TMEM120B: variants seen among roughly 807,000 people sequenced by gnomAD.
The protein encoded by TMEM120B is transmembrane protein 120B.
TMEM120B carries 31 observed loss-of-function variants against 55.5 expected under a neutral mutation model. The ratio of observed to expected loss-of-function variants is 0.56; its 90% confidence interval spans 0.42 to 0.75. The LOEUF (loss-of-function observed/expected upper bound fraction) is 0.75, where lower values mean the gene tolerates loss of function less well. TMEM120B is among the 30% of genes least tolerant of loss of function. TMEM120B has a pLI of 0.00. For missense variants in TMEM120B, 399 were observed against 425.5 expected (o/e 0.94, Z 0.55); for synonymous variants, 203 against 176.3 (o/e 1.15, Z -1.20).
intron 1 of TMEM120B, among the ~76,000 whole-genome samples, chr12:121,741,106 C>G (rs1389474167): frequency 6.6e-6 from 1 of 151,988 alleles, no homozygotes; most frequent in East Asian, 1.9e-4. Flanking sequence ...CTGCAAAACC[C>G]ATTTCTGTCT....
At chr12:121,761,499 C>A in intron 5 of TMEM120B, 150 bp from the exon 6 acceptor site, 1 of 587,512 alleles carries the variant, frequency 1.7e-6, no homozygotes. Flanking sequence ...ACCAAGCTCC[C>A]CCTGCCTCCC....
chr12:121,774,557 T>C, intron 9 of TMEM120B, 101 bp from the exon 10 acceptor site: 2 of 1,168,258 alleles, frequency 1.7e-6, no homozygotes, highest in Non-Finnish European at 2.5e-6. Flanking sequence ...TGTCCCTGGC[T>C]CATCTTAGGG....
intron 1 of TMEM120B, among the ~76,000 whole-genome samples, chr12:121,741,279 G>A (rs1329318972): frequency 6.6e-6 from 1 of 152,050 alleles, no homozygotes; most frequent in African/African-American, 2.4e-5. Flanking sequence ...GAATAGAGGC[G>A]AGTTCTTTGT....
At chr12:121,760,469 C>A (rs1873640489) in intron 5 of TMEM120B, among the ~76,000 whole-genome samples, 1 of 152,158 alleles carries the variant, frequency 6.6e-6, no homozygotes, top group African/African-American at 2.4e-5. Flanking sequence ...GCGCAGTGGC[C>A]TGCGAGCTGG....
chr12:121,744,532 A>G (rs1873026709), intron 2 of TMEM120B, among the ~76,000 whole-genome samples: 1 of 152,216 alleles, frequency 6.6e-6, no homozygotes. Context: ...TGTAGTGGCC[A>G]CTAGGCTGCC....
In TMEM120B at chr12:121,781,179, A is replaced by T. The variant is rs1382771092; in HGVS notation, c.*5457A>T. 6.2e-7 allele frequency: 1 copy of T among 1,614,230 alleles called. No homozygotes were observed. The highest frequency in any genetic ancestry group is 8.5e-7 in the Non-Finnish European group (1 of 1,180,020). ...GGTAGGACAGGGGCCGCAGCCGGTC[A>T]TAGTCTTCTTGCCCTGAAAGCACAG... On this transcript the variant is annotated 3_prime_UTR_variant, in exon 12 of 12. Coordinates refer to ENST00000449592, the MANE Select transcript of TMEM120B (RefSeq NM_001080825.2).
chr12:121,734,523 G>T (rs138634720), intron 1 of TMEM120B, among the ~76,000 whole-genome samples: 66 of 152,176 alleles, frequency 4.3e-4, no homozygotes, highest in African/African-American at 1.5e-3. Flanking sequence ...ATCCGAAAGT[G>T]CTGGGATTAC....
In TMEM120B at chr12:121,776,021, A is replaced by G. The variant is rs1261704096; in HGVS notation, c.*299A>G. On this transcript the variant is annotated 3_prime_UTR_variant, in exon 12 of 12. Transcript: ENST00000449592. ...TCCTGGGGATGGGGCCTGAAGCCTC[A>G]GGGAGCCCCTCTGTTCCCACTCCTG... The G allele has an allele frequency of 3.4e-6, 2 of 589,660 alleles. No individual in the cohort carries two copies. The highest frequency in any genetic ancestry group is 6.0e-6 in the Non-Finnish European group (2 of 331,096). The allele number at this position is 589,660 out of a possible 1,614,324, so 36.5% of individuals were successfully genotyped here.
At chr12:121,717,230 C>T (rs1010483798) in intron 1 of TMEM120B, among the ~76,000 whole-genome samples, 7 of 152,136 alleles carry the variant, frequency 4.6e-5, no homozygotes, top group Non-Finnish European at 5.9e-5. Flanking sequence ...TGCCTTGCAT[C>T]ACTGGAAACC....
chr12:121,745,154 C>T (rs573690188), intron 2 of TMEM120B, among the ~76,000 whole-genome samples: 4 of 152,222 alleles, frequency 2.6e-5, no homozygotes, highest in Middle Eastern at 3.4e-3. Context: ...GCCAGCTGTC[C>T]TCAGTTGAGA....
At chr12:121,758,100 A>G (rs1873537089) in intron 5 of TMEM120B, 1 of 957,932 alleles carries the variant, frequency 1.0e-6, no homozygotes, top group Non-Finnish European at 1.2e-6. Context: ...GCCTGACTCT[A>G]AAAACAGAAA....
Position 121,724,804 on chromosome 12 carries a change from G to C in TMEM120B, c.69+11840G>C, listed in dbSNP as rs1454822460. Reference sequence around the variant, plus strand: ...TTTTTGTATTTTTAGTAGAGACGAGGTTTCACCACATTAGCCAGGATGGTC... The same window carrying C: ...TTTTTGTATTTTTAGTAGAGACGAGCTTTCACCACATTAGCCAGGATGGTC... On this transcript the variant is annotated intron_variant, in intron 1 of 11. Transcript: ENST00000449592. Among the ~76,000 whole-genome samples the C allele has an allele frequency of 3.3e-5, 5 of 151,328 alleles. No individual in the cohort carries two copies. The Admixed American group carries it at 3.3e-4, about 10-fold the overall frequency.
At chr12:121,756,222 G>C (rs984951068) in intron 5 of TMEM120B, among the ~76,000 whole-genome samples, 1 of 152,198 alleles carries the variant, frequency 6.6e-6, no homozygotes, top group Non-Finnish European at 1.5e-5. Context: ...GATGGGCCGG[G>C]TGTGGTGGTT....
intron 4 of TMEM120B, among the ~76,000 whole-genome samples, chr12:121,751,075 CT>C: frequency 7.5e-6 from 1 of 132,798 alleles, no homozygotes; most frequent in African/African-American, 2.9e-5. Flanking sequence ...ACACTCCACA[CT>C]CACACCCCAC....
rs1040859885 is a variant in TMEM120B at position 121,770,891 on chromosome 12, C to G, written c.552-16C>G. ...TCTCCCCTCCTGAGCACTTTCCGTTCTCTCCCTCTCCCGAGAATTAAAGGC... is the reference window on the plus strand; with the variant it reads ...TCTCCCCTCCTGAGCACTTTCCGTTGTCTCCCTCTCCCGAGAATTAAAGGC... On this transcript the variant is annotated splice_polypyrimidine_tract_variant and intron_variant, in intron 6 of 11. Coordinates refer to ENST00000449592, the MANE Select transcript of TMEM120B (RefSeq NM_001080825.2). The G allele has an allele frequency of 1.9e-5, 30 of 1,613,740 alleles. No individual in the cohort carries two copies. The highest frequency in any genetic ancestry group is 1.3e-4 in the Admixed American group (8 of 59,982).
At chr12:121,739,618 G>A (rs370737495) in intron 1 of TMEM120B, among the ~76,000 whole-genome samples, 1 of 151,712 alleles carries the variant, frequency 6.6e-6, no homozygotes, top group Non-Finnish European at 1.5e-5. Flanking sequence ...GACTACAGGC[G>A]CCCGCCACCA....
At chr12:121,752,845 A>G (rs1472784981) in intron 5 of TMEM120B, among the ~76,000 whole-genome samples, 1 of 152,154 alleles carries the variant, frequency 6.6e-6, no homozygotes, top group Admixed American at 6.5e-5. Context: ...TCACACCTGT[A>G]ATCCCAGTAC....
At chr12:121,763,206 A>T (rs1566522614) in intron 6 of TMEM120B, among the ~76,000 whole-genome samples, 1 of 123,248 alleles carries the variant, frequency 8.1e-6, no homozygotes, top group East Asian at 2.4e-4. Flanking sequence ...TCTGTCGCCC[A>T]GGCTGGAGTG....
At chr12:121,757,206 G>C (rs139927784) in intron 5 of TMEM120B, among the ~76,000 whole-genome samples, 1 of 151,824 alleles carries the variant, frequency 6.6e-6, no homozygotes, top group Non-Finnish European at 1.5e-5. Flanking sequence ...CTGTCACCCA[G>C]GCTGGAGTAC....
Sources: allele counts gnomAD v4.1 joint callset (sites outside exome capture counted in the v4.1 genomes callset), GRCh38; gene constraint gnomAD v4.1.1; transcripts MANE v1.5; gene names NCBI Gene and HGNC (gene_info 2026-07-23, HGNC 2026-07-21).